The following PTPRN2 variants were observed in gnomAD, a reference collection of about 807,000 sequenced individuals.
PTPRN2 encodes protein tyrosine phosphatase receptor type N2.
A neutral mutation model predicts 118.8 loss-of-function variants in PTPRN2; 74 were observed. The ratio of observed to expected loss-of-function variants is 0.62; its 90% CI spans 0.52 to 0.76. The LOEUF is 0.76. Among genes scored for constraint, PTPRN2 ranks in the 30% least tolerant of loss-of-function variants. PTPRN2 has a pLI of 0.00. For missense variants in PTPRN2, 1,481 were observed against 1,394.4 expected, an observed-to-expected ratio of 1.06 and a Z score of -0.99; for synonymous variants, 641 against 608.0, an observed-to-expected ratio of 1.05 and a Z score of -0.80.
At chr7:157,820,512 T>C (rs1806763325) in intron 12 of PTPRN2, among the ~76,000 whole-genome samples, 1 of 140,716 alleles carries the variant, frequency 7.1e-6, no homozygotes, top group African/African-American at 2.7e-5. Context: ...AACACACGCA[T>C]TCTTACACAT....
rs368149489 is a variant in PTPRN2 at position 158,057,742 on chromosome 7, G to C, written c.1723+23556C>G. 2.7e-3 allele frequency among the ~76,000 whole-genome samples: 412 copies of C among 152,234 alleles called. 2 individuals are homozygous for C. Among genetic ancestry groups the C allele is most frequent in the African/African-American group, 9.5e-3 (395 of 41,538 alleles). On this transcript the variant is annotated intron_variant, in intron 11 of 22. Coordinates refer to ENST00000389418, the MANE Select transcript of PTPRN2 (RefSeq NM_002847.5). ...CTCAGCATCCCCGCCACTCCCCAAA[G>C]CTCCTCAGCGTGGCTGCTTGGGACC...
Position 157,874,523 on chromosome 7 carries a change from CT to C in PTPRN2, c.1788+24149del, listed in dbSNP as rs899209417. On this transcript the variant is annotated intron_variant, in intron 12 of 22. Transcript: ENST00000389418. The surrounding 1 kb of genome is among the most constrained non-coding windows in gnomAD (Gnocchi z 5.8). ...AAGTTCATGTCCCCCTTAACTCGAG[CT>C]TTTATTTCAGTGAAGCTTCGGGGTC... Among the ~76,000 whole-genome samples the C allele has an allele frequency of 2.0e-5, 3 of 152,206 alleles. No homozygotes were observed. The highest frequency in any genetic ancestry group is 2.9e-5 in the Non-Finnish European group (2 of 68,040).
At chr7:158,149,574 G>C (rs564683919) in intron 6 of PTPRN2, among the ~76,000 whole-genome samples, 1 of 152,134 alleles carries the variant, frequency 6.6e-6, no homozygotes, top group East Asian at 1.9e-4. Context: ...GGTCCGAGGT[G>C]GGTGGATCAC....
At chr7:158,153,371 T>C (rs970050954) in intron 6 of PTPRN2, among the ~76,000 whole-genome samples, 2 of 152,138 alleles carry the variant, frequency 1.3e-5, no homozygotes, top group Non-Finnish European at 2.9e-5. Flanking sequence ...TTGAGCTGAC[T>C]AACACAAGCC....
chr7:157,759,590 C>T (rs191038506), intron 12 of PTPRN2, among the ~76,000 whole-genome samples: 1 of 152,310 alleles, frequency 6.6e-6, no homozygotes, highest in Non-Finnish European at 1.5e-5. Flanking sequence ...AAGACGGACA[C>T]GTGTGACTCA....
chr7:157,760,272 G>T lies in PTPRN2; in HGVS notation c.1789-77335C>A, dbSNP rs537734575. ...GGGGTAGAGACAGAATCCCACCCAGGTTTGGCTCCCAGGAGTGTGACCCAG... is the reference window on the plus strand; with the variant it reads ...GGGGTAGAGACAGAATCCCACCCAGTTTTGGCTCCCAGGAGTGTGACCCAG... On this transcript the variant is annotated intron_variant, in intron 12 of 22. Coordinates refer to ENST00000389418, the MANE Select transcript of PTPRN2 (RefSeq NM_002847.5). Among the ~76,000 whole-genome samples the T allele has an allele frequency of 6.6e-5, 10 of 152,096 alleles. No homozygotes were observed. The South Asian group carries it at 1.0e-3, about 16-fold the overall frequency.
chr7:158,150,892 C>A (rs1820953442), intron 6 of PTPRN2, among the ~76,000 whole-genome samples: 1 of 152,028 alleles, frequency 6.6e-6, no homozygotes, highest in Non-Finnish European at 1.5e-5. Context: ...TGGAATTATC[C>A]TACTGGTTTG....
At chr7:158,512,355 C>A (rs1182977664) in intron 1 of PTPRN2, among the ~76,000 whole-genome samples, 1 of 152,188 alleles carries the variant, frequency 6.6e-6, no homozygotes, top group Non-Finnish European at 1.5e-5. Flanking sequence ...GGAGGAAGTT[C>A]TCCCTATTGG....
chr7:157,799,052 G>A (rs1345607247), intron 12 of PTPRN2, among the ~76,000 whole-genome samples: 1 of 152,182 alleles, frequency 6.6e-6, no homozygotes, highest in Non-Finnish European at 1.5e-5. Flanking sequence ...GCCCCTAAAT[G>A]TGACTGAATA....
At chr7:158,326,468 C>T (rs1803529638) in intron 2 of PTPRN2, among the ~76,000 whole-genome samples, 1 of 152,262 alleles carries the variant, frequency 6.6e-6, no homozygotes, top group Non-Finnish European at 1.5e-5. Context: ...GTGCACAATA[C>T]ACAAGCAACC....
chr7:157,970,642 C>CCG (rs995425610), intron 11 of PTPRN2, among the ~76,000 whole-genome samples: 4 of 150,366 alleles, frequency 2.7e-5, no homozygotes, highest in Non-Finnish European at 4.5e-5. Context: ...GCGGACCCCC[C>CCG]CCCCCACAGG....
At chr7:158,233,379 A>G (rs1829293139) in intron 3 of PTPRN2, among the ~76,000 whole-genome samples, 1 of 152,246 alleles carries the variant, frequency 6.6e-6, no homozygotes, top group Admixed American at 6.5e-5. Context: ...AGATCTATAC[A>G]AGGAAAACGA....
intron 11 of PTPRN2, among the ~76,000 whole-genome samples, chr7:157,937,778 C>A (rs1563255128): frequency 1.3e-5 from 2 of 152,214 alleles, no homozygotes; most frequent in African/African-American, 4.8e-5. Context: ...TACAAAGACA[C>A]CACAGAGTCT....
At chr7:157,958,428 G>T (rs4716514) in intron 11 of PTPRN2, among the ~76,000 whole-genome samples, 125,312 of 151,592 alleles carry the variant, frequency 0.83, 52,364 homozygotes, top group East Asian at 0.89. Flanking sequence ...TAAGTAAAAG[G>T]CATCTAAATG....
intron 12 of PTPRN2, among the ~76,000 whole-genome samples, chr7:157,850,455 T>A (rs929174378): frequency 1.3e-5 from 2 of 152,030 alleles, no homozygotes; most frequent in Admixed American, 1.3e-4. Context: ...CACGCTCGCA[T>A]AAGGGATCCC....
rs1430259228 is a variant in PTPRN2 at position 158,171,091 on chromosome 7, C to T, written c.550-3800G>A. On this transcript the variant is annotated intron_variant, in intron 5 of 22. Coordinates refer to ENST00000389418, the MANE Select transcript of PTPRN2 (RefSeq NM_002847.5). ...CATTATATACACATATATATACACA[C>T]ATATATATATACACATATATATACA... 1.4e-3 allele frequency among the ~76,000 whole-genome samples: 180 copies of T among 130,610 alleles called. 2 individuals carry two copies. The highest frequency in any genetic ancestry group is 2.1e-3 in the Non-Finnish European group (135 of 64,044). The allele number at this position is 130,610 out of a possible 152,430, so 85.7% of individuals were successfully genotyped here. A position where few individuals can be genotyped will look rare whatever the true frequency, so the allele number is the denominator to read the frequency against.
chr7:157,626,076 A>G (rs1436457831), intron 14 of PTPRN2, among the ~76,000 whole-genome samples: 1 of 152,200 alleles, frequency 6.6e-6, no homozygotes, highest in African/African-American at 2.4e-5. Context: ...ACCAAGGCCT[A>G]GAGAAGGTAA....
intron 12 of PTPRN2, among the ~76,000 whole-genome samples, chr7:157,804,947 C>T (rs558964377): frequency 3.3e-5 from 5 of 152,326 alleles, no homozygotes; most frequent in Admixed American, 1.3e-4. Flanking sequence ...GTTACCCTCT[C>T]GCCATGCAGT....
chr7:158,330,792 C>A (rs1428828288), intron 2 of PTPRN2, among the ~76,000 whole-genome samples: 56 of 114,224 alleles, frequency 4.9e-4, no homozygotes, highest in Middle Eastern at 5.6e-3. Flanking sequence ...CACTCACACC[C>A]ACACTCTCAC....
Sources: gnomAD v4.1 joint callset for allele counts (sites outside exome capture counted in the v4.1 genomes callset) on GRCh38, gnomAD v4.1.1 for gene constraint, Gnocchi (gnomAD v3.1) non-coding constraint, MANE v1.5 for transcripts, NCBI Gene and HGNC (gene_info 2026-07-23, HGNC 2026-07-21) for gene names.